MUC12: variants seen among roughly 807,000 people sequenced by gnomAD.
MUC12 encodes the protein mucin 12, cell surface associated.
A neutral mutation model predicts 230.8 loss-of-function variants in MUC12; 172 were observed. That is an observed-to-expected ratio of 0.75 (90% CI 0.66 to 0.85). The LOEUF is 0.85. Ranked by LOEUF, MUC12 falls within the 40% of genes least tolerant of loss-of-function variation. MUC12 has a pLI of 0.00. For synonymous variants in MUC12, 1,259 were observed against 2,401.9 expected (o/e 0.52, Z 13.91); for missense variants, 3,506 against 5,920.6 (o/e 0.59, Z 13.38).
In MUC12 at chr7:100,995,734, C is replaced by G. The variant is rs1471220584; in HGVS notation, c.5171C>G (p.Pro1724Arg). Residue 1724 changes from proline to arginine, a missense_variant, in exon 2 of 12, where the codon CCA becomes CGA. Transcript: ENST00000536621. ...TCCCACGGCAGCCCGAGCTCAACTC[C>G]AACAACCCACTTTTCTGCCAGCTCC... ...TTSHGSPSST[P>R]TTHFSASSTT... is the part of the protein sequence containing the mutation. 2.0e-6 allele frequency: 3 copies of G among 1,534,926 alleles called. No homozygotes were observed. The Admixed American group carries it at 5.9e-5, about 30-fold the overall frequency.
intron 4 of MUC12, 39 bp downstream of exon 4, chr7:101,008,800 C>T: frequency 6.6e-7 from 1 of 1,516,248 alleles, no homozygotes; most frequent in Non-Finnish European, 8.8e-7. Context: ...AGGGTGATGT[C>T]CCACGTGAGA....
In MUC12 at chr7:100,992,157, C is replaced by T; in HGVS notation, c.1594C>T (p.His532Tyr). 1 of 1,537,914 alleles carries T rather than the reference C, an allele frequency of 6.5e-7. No individual in the cohort carries two copies. Among genetic ancestry groups the T allele is most frequent in the Non-Finnish European group, 8.7e-7 (1 of 1,147,080 alleles). ...CTCCCACAGCCGACCAGGCTCAACA[C>T]ACACAACAGCATTCCCTGGCAGTAC... Reference protein sequence around the residue: ...TTSHSRPGSTHTTAFPGSTTM... With the variant: ...TTSHSRPGSTYTTAFPGSTTM... Residue 532 changes from histidine (H) to tyrosine (Y), a missense_variant, in exon 2 of 12, where the codon CAC becomes TAC. By Grantham distance (83) the His-to-Tyr change is moderately conservative. Transcript: ENST00000536621.
At chr7:100,990,171 A>G (rs1481642800) in intron 1 of MUC12, among the ~76,000 whole-genome samples, 1 of 152,248 alleles carries the variant, frequency 6.6e-6, no homozygotes, top group Non-Finnish European at 1.5e-5. Flanking sequence ...ACACACGGCA[A>G]GAAGTGAGTA....
Position 100,992,499 on chromosome 7 carries a change from G to A in MUC12, c.1936G>A (p.Ala646Thr), listed in dbSNP as rs1318238425. The A allele has an allele frequency of 3.3e-6, 5 of 1,537,774 alleles. No homozygotes were observed. The highest frequency in any genetic ancestry group is 4.4e-6 in the Non-Finnish European group (5 of 1,147,046). ...SWPSSKDTRPAPPTTTSAFVE... is the reference protein window; with the variant it reads ...SWPSSKDTRPTPPTTTSAFVE... ...GCCAAGCTCAAAGGACACTAGGCCT[G>A]CACCTCCTACTACCACATCAGCCTT... Residue 646 changes from alanine (A) to threonine (T), a missense_variant, in exon 2 of 12, where the codon GCA becomes ACA. Ala to Thr is a moderately conservative substitution (Grantham distance 58). Transcript: ENST00000536621.
Position 100,991,485 on chromosome 7 carries a change from A to T in MUC12, c.922A>T (p.Ser308Cys), listed in dbSNP as rs1386255680. 8.5e-6 allele frequency: 13 copies of T among 1,537,338 alleles called. No homozygotes were observed. Among genetic ancestry groups the T allele is most frequent in the Non-Finnish European group, 1.1e-5 (13 of 1,146,750 alleles). Residue 308 changes from serine to cysteine, a missense_variant, in exon 2 of 12, where the codon AGC becomes TGC. Ser to Cys is a moderately radical substitution (Grantham distance 112, BLOSUM62 -1). Coordinates refer to ENST00000536621, the MANE Select transcript of MUC12 (RefSeq NM_001164462.2). ...FVKLSTTYHS[S>C]PSSTPTTHFS... ...TAAACTATCTACAACTTATCACAGC[A>T]GCCCGAGCTCAACTCCAACAACCCA...
Position 100,991,651 on chromosome 7 carries a change from G to C in MUC12, c.1088G>C (p.Arg363Thr), listed in dbSNP as rs1405531322. ...GTTGAAGAATCTACAGCCTACCACAGGAGCCCGGGCTCAACTCAAACAATG... is the reference window on the plus strand; with the variant it reads ...GTTGAAGAATCTACAGCCTACCACACGAGCCCGGGCTCAACTCAAACAATG... ...GHVEESTAYH[R>T]SPGSTQTMHF... Residue 363 changes from arginine (R) to threonine (T), a missense_variant, in exon 2 of 12, where the codon AGG becomes ACG. Arg to Thr is a moderately conservative substitution (Grantham distance 71, BLOSUM62 -1). Coordinates refer to ENST00000536621, the MANE Select transcript of MUC12 (RefSeq NM_001164462.2). The C allele has an allele frequency of 1.2e-5, 19 of 1,537,102 alleles. No homozygotes were observed. Among genetic ancestry groups the C allele is most frequent in the Non-Finnish European group, 1.7e-5 (19 of 1,146,374 alleles).
Position 100,995,644 on chromosome 7 carries a change from G to T in MUC12, c.5081G>T (p.Ser1694Ile). Reference protein sequence around the residue: ...GESTTFQSWPSSKDTMPAPPT... With the variant: ...GESTTFQSWPISKDTMPAPPT... ...TCTACCACCTTCCAGAGCTGGCCAA[G>T]CTCAAAGGACACTATGCCTGCACCT... Residue 1694 changes from serine (S) to isoleucine (I), a missense_variant, in exon 2 of 12, where the codon AGC (serine) becomes ATC (isoleucine). By Grantham distance (142) the Ser-to-Ile change is moderately radical. Transcript: ENST00000536621. 3 of 1,536,868 alleles carry T rather than the reference G, an allele frequency of 2.0e-6. No homozygotes were observed. Among genetic ancestry groups the T allele is most frequent in the Non-Finnish European group, 1.7e-6 (2 of 1,147,036 alleles).
At chr7:101,008,589 A>T (rs1359573215) in intron 3 of MUC12, 45 bp from the exon 4 acceptor site, 6 of 1,524,232 alleles carry the variant, frequency 3.9e-6, no homozygotes, top group Non-Finnish European at 5.3e-6. Context: ...GGGGGACATT[A>T]TTGGGAGGTC....
chr7:100,971,987 A>C, intron 1 of MUC12: 1 of 691,838 alleles, frequency 1.4e-6, no homozygotes, highest in Non-Finnish European at 2.6e-6. Flanking sequence ...TAGTGTGCAA[A>C]ACAGTCAGAA....
chr7:100,980,631 A>G (rs1793091500), intron 1 of MUC12, among the ~76,000 whole-genome samples: 3 of 152,214 alleles, frequency 2.0e-5, no homozygotes, highest in Admixed American at 6.5e-5. Flanking sequence ...CATCGTTAAA[A>G]TGATATCAGC....
rs1156504908 is a variant in MUC12 at position 101,015,626 on chromosome 7, A to G, written c.15812A>G (p.Asp5271Gly). ...ATTTCTGTCTGCAGGGAACAGTATG[A>G]TGTGCCTCAAGAGTGGCGAAAGGAA... ...SQRKRHREQY[D>G]VPQEWRKEGT... Residue 5271 changes from aspartate (D) to glycine (G), a missense_variant, in exon 10 of 12, where the codon GAT becomes GGT. Asp to Gly is a moderately conservative substitution (Grantham distance 94). Transcript: ENST00000536621. 7.8e-6 allele frequency: 12 copies of G among 1,537,536 alleles called. No homozygotes were observed. The highest frequency in any genetic ancestry group is 3.3e-4 in the Middle Eastern group (2 of 6,014).
chr7:100,984,294 T>A (rs1238183619), intron 1 of MUC12, among the ~76,000 whole-genome samples: 1 of 151,042 alleles, frequency 6.6e-6, no homozygotes, highest in African/African-American at 2.4e-5. Flanking sequence ...TCTCGCTGTG[T>A]CACCCAGGCT....
chr7:101,006,609 G>A, intron 3 of MUC12, 37 bp downstream of exon 3: 1 of 1,380,162 alleles, frequency 7.2e-7, no homozygotes. Flanking sequence ...CTCTTTGCAG[G>A]CCCTTTCACC....
chr7:100,980,054 T>C (rs1272793487), intron 1 of MUC12, among the ~76,000 whole-genome samples: 1 of 151,454 alleles, frequency 6.6e-6, no homozygotes, highest in Non-Finnish European at 1.5e-5. Context: ...TTGTTGTTGT[T>C]TTGTTTTTTA....
chr7:101,013,866 A>C (rs755735678), intron 8 of MUC12, 47 bp from the exon 9 acceptor site: 51 of 1,500,314 alleles, frequency 3.4e-5, no homozygotes, highest in Non-Finnish European at 4.4e-5. Context: ...GGGATATTGG[A>C]TGTGAGGGAT....
At chr7:100,979,977 A>G (rs1427403372) in intron 1 of MUC12, among the ~76,000 whole-genome samples, 1 of 150,920 alleles carries the variant, frequency 6.6e-6, no homozygotes, top group African/African-American at 2.4e-5. Context: ...GTGAGCTAGG[A>G]TCTCACCACT....
chr7:101,006,569 G>A lies in MUC12; in HGVS notation c.15055G>A (p.Val5019Ile), dbSNP rs1793756270. The part of the protein sequence containing the change: ...QCLSPLESFP[V>I]ETPEKLNATL... ...CTTGTCCCCTCTGGAATCCTTCCCT[G>A]TAGGTAATGACCTTTTCTGAGACCT... Residue 5019 changes from valine to isoleucine, a missense_variant, in exon 3 of 12, where the codon GTA (valine) becomes ATA (isoleucine). Physicochemically the swap from Val to Ile is conservative, Grantham distance 29. Coordinates refer to ENST00000536621, the MANE Select transcript of MUC12 (RefSeq NM_001164462.2). 7.8e-6 allele frequency: 12 copies of A among 1,534,528 alleles called. No homozygotes were observed. The highest frequency in any genetic ancestry group is 1.0e-5 in the Non-Finnish European group (12 of 1,144,450).
Position 100,990,898 on chromosome 7 carries a change from C to G in MUC12, c.335C>G (p.Ser112Ter), listed in dbSNP as rs1461920400. Residue 112 changes from serine (S) to a stop codon, truncating the protein, a stop_gained, in exon 2 of 12, where the codon TCA becomes TGA. Transcript: ENST00000536621. LOFTEE classifies it high-confidence loss of function. ...GTTTTTGTTGGAGAACCTAAAACCT[C>G]ACCCATCACTTCAGCCTCAATGGAA... Reference protein sequence around the residue: ...TSVFVGEPKTSPITSASMETT... With the variant: ...TSVFVGEPKT 27 of 1,537,750 alleles carry G rather than the reference C, an allele frequency of 1.8e-5. No individual in the cohort carries two copies. The highest frequency in any genetic ancestry group is 2.0e-5 in the Admixed American group (1 of 50,988).
At chr7:101,008,853 C>T (rs574735155) in intron 4 of MUC12, 92 bp downstream of exon 4, 3 of 1,440,466 alleles carry the variant, frequency 2.1e-6, no homozygotes, top group African/African-American at 2.8e-5. Flanking sequence ...CTGAGTTCTT[C>T]TGCTCATGAG....
Sources: allele counts gnomAD v4.1 joint callset (sites outside exome capture counted in the v4.1 genomes callset), GRCh38; gene constraint gnomAD v4.1.1; transcripts MANE v1.5; gene names NCBI Gene and HGNC (gene_info 2026-07-23, HGNC 2026-07-21).